The following HMG20A variants were observed in gnomAD, a reference collection of about 807,000 sequenced individuals.
HMG20A encodes high mobility group 20A, also known as high mobility group protein 20A.
In HMG20A, 17 loss-of-function variants were observed where a neutral mutation model predicts 43.9. That is an observed-to-expected ratio of 0.39 (90% CI 0.27 to 0.58). The LOEUF is 0.58. HMG20A is among the 20% of genes least tolerant of loss of function. The pLI, the probability that HMG20A is intolerant of heterozygous loss-of-function variation, is 0.59. For missense variants in HMG20A, 341 were observed against 438.2 expected, an observed-to-expected ratio of 0.78 and a Z score of 1.98; for synonymous variants, 132 against 147.5, an observed-to-expected ratio of 0.89 and a Z score of 0.76.
At chr15:77,441,380 A>G (rs536497304) in intron 1 of HMG20A, among the ~76,000 whole-genome samples, 1 of 152,284 alleles carries the variant, frequency 6.6e-6, no homozygotes, top group South Asian at 2.1e-4. Context: ...GTGATTTTAT[A>G]TTGAATTTTT....
At chr15:77,509,678 G>A in the HMG20A span, among the ~76,000 whole-genome samples, 1 of 150,954 alleles carries the variant, frequency 6.6e-6, no homozygotes, top group African/African-American at 2.4e-5. Flanking sequence ...GGCCGAAGTG[G>A]GCAGATCACC....
rs1349913970 is a variant in HMG20A, at chr15:77,420,947, C to T, written c.-62C>T. On this transcript the variant is annotated 5_prime_UTR_variant, in exon 1 of 10. Transcript: ENST00000336216. Reference sequence around the variant, plus strand: ...ATTGAGAGGGGCTGAGGGAATTGTCCTCTGTGGAAGGGACTTTCTTTTGGC... The same window carrying T: ...ATTGAGAGGGGCTGAGGGAATTGTCTTCTGTGGAAGGGACTTTCTTTTGGC... The T allele has an allele frequency of 1.5e-5, 6 of 398,574 alleles. No individual in the cohort carries two copies. The highest frequency in any genetic ancestry group is 2.7e-5 in the Non-Finnish European group (6 of 226,104). The allele number at this position is 398,574 out of a possible 1,614,324, so 24.7% of individuals were successfully genotyped here. A position where few individuals can be genotyped will look rare whatever the true frequency, so the allele number is the denominator to read the frequency against.
Position 77,477,548 on chromosome 15 carries a change from T to A in HMG20A, c.616-7T>A. 1 of 1,597,596 alleles carries A rather than the reference T, an allele frequency of 6.3e-7. No homozygotes were observed. Among genetic ancestry groups the A allele is most frequent in the Non-Finnish European group, 8.6e-7 (1 of 1,166,164 alleles). The stretch of plus-strand genomic sequence containing the variant: ...GAATTAACTGTTTTGTTCCTCTTGA[T>A]TCACAGAAAGAAACAGAGGTAAAGG... On this transcript the variant is annotated splice_polypyrimidine_tract_variant and splice_region_variant and intron_variant, in intron 6 of 9. Coordinates refer to ENST00000336216, the MANE Select transcript of HMG20A (RefSeq NM_001304504.2).
chr15:77,454,048 G>C (rs2072631886), intron 1 of HMG20A, among the ~76,000 whole-genome samples: 1 of 151,472 alleles, frequency 6.6e-6, no homozygotes, highest in Non-Finnish European at 1.5e-5. Flanking sequence ...CGTGGTCCTA[G>C]CTACTCAGGA....
At chr15:77,493,768 G>C in the HMG20A span, among the ~76,000 whole-genome samples, 139 of 152,308 alleles carry the variant, frequency 9.1e-4, no homozygotes, top group African/African-American at 3.2e-3. Flanking sequence ...AGCACCTACA[G>C]TGATCTTGTG....
chr15:77,482,083 A>G (rs1312832376), intron 9 of HMG20A: 1 of 152,208 alleles, frequency 6.6e-6, no homozygotes, highest in Non-Finnish European at 1.5e-5. Context: ...ATCTGCGTAG[A>G]TGAGTACAGA....
At chr15:77,445,015 T>C (rs1470622745) in intron 1 of HMG20A, among the ~76,000 whole-genome samples, 1 of 151,358 alleles carries the variant, frequency 6.6e-6, no homozygotes, top group African/African-American at 2.4e-5. Context: ...GAAATCTTCC[T>C]AGGAAGAAAA....
intron 1 of HMG20A, among the ~76,000 whole-genome samples, chr15:77,430,240 A>G (rs2073470106): frequency 6.6e-6 from 1 of 152,224 alleles, no homozygotes; most frequent in Admixed American, 6.5e-5. Context: ...TTTTACATGA[A>G]AGAAAATTGA....
the HMG20A span, among the ~76,000 whole-genome samples, chr15:77,497,393 C>CCCTT: frequency 6.6e-6 from 1 of 152,248 alleles, no homozygotes; most frequent in Admixed American, 6.5e-5. Flanking sequence ...TCGGGCCATA[C>CCCTT]CCTTGCCTGA....
At chr15:77,440,798 C>T (rs1168786557) in intron 1 of HMG20A, among the ~76,000 whole-genome samples, 1 of 152,100 alleles carries the variant, frequency 6.6e-6, no homozygotes, top group African/African-American at 2.4e-5. Flanking sequence ...GAAGTTTCCT[C>T]TTATGTTTCT....
At chr15:77,491,907 C>A in the HMG20A span, among the ~76,000 whole-genome samples, 1 of 152,158 alleles carries the variant, frequency 6.6e-6, no homozygotes, top group Non-Finnish European at 1.5e-5. Context: ...TGTAAATGGG[C>A]CTTGAATGTC....
rs2072924997 is a variant in HMG20A, at chr15:77,483,799, T to C, written c.*836T>C. ...ACAATGTCTTGTGGAGCATTTTTGC[T>C]GAGGAAAAGGTCACTTGTAAACAGA... is the stretch of plus-strand genomic sequence containing the variant. On this transcript the variant is annotated 3_prime_UTR_variant, in exon 10 of 10. Coordinates refer to ENST00000336216, the MANE Select transcript of HMG20A (RefSeq NM_001304504.2). 2 of 152,676 alleles carry C rather than the reference T, an allele frequency of 1.3e-5. No homozygotes were observed. Among genetic ancestry groups the C allele is most frequent in the Admixed American group, 6.5e-5 (1 of 15,286 alleles). The allele number at this position is 152,676 out of a possible 1,614,324, so 9.5% of individuals were successfully genotyped here.
the HMG20A span, among the ~76,000 whole-genome samples, chr15:77,496,138 G>C: frequency 6.6e-6 from 1 of 152,142 alleles, no homozygotes; most frequent in African/African-American, 2.4e-5. Flanking sequence ...GAGGAGGGGC[G>C]GCCTCCCTAC....
intron 8 of HMG20A, among the ~76,000 whole-genome samples, chr15:77,478,861 G>A (rs1595933118): frequency 6.6e-6 from 1 of 152,222 alleles, no homozygotes; most frequent in East Asian, 1.9e-4. Context: ...TTGTTTTAAC[G>A]GGAAGGAAGG....
intron 9 of HMG20A, among the ~76,000 whole-genome samples, chr15:77,480,391 G>A (rs2072895501): frequency 6.6e-6 from 1 of 151,858 alleles, no homozygotes; most frequent in Non-Finnish European, 1.5e-5. Context: ...AGGCAGTATT[G>A]CCTGAGCCCA....
At chr15:77,442,593 A>C (rs1037343379) in intron 1 of HMG20A, among the ~76,000 whole-genome samples, 3 of 152,238 alleles carry the variant, frequency 2.0e-5, no homozygotes, top group African/African-American at 7.2e-5. Context: ...CCTGCTAGAC[A>C]TGCGTACTCT....
intron 2 of HMG20A, among the ~76,000 whole-genome samples, chr15:77,463,389 G>A (rs1421216697): frequency 6.6e-6 from 1 of 152,054 alleles, no homozygotes; most frequent in African/African-American, 2.4e-5. Flanking sequence ...AATACTATGG[G>A]TTGTGCATTC....
At chr15:77,441,558 A>C (rs1235784684) in intron 1 of HMG20A, among the ~76,000 whole-genome samples, 1 of 152,128 alleles carries the variant, frequency 6.6e-6, no homozygotes, top group Non-Finnish European at 1.5e-5. Context: ...TGATCCCAGA[A>C]ACCAGTTAGT....
chr15:77,490,580 T>C (rs117134811), downstream of HMG20A, among the ~76,000 whole-genome samples: 59 of 152,296 alleles, frequency 3.9e-4, 1 homozygote, highest in East Asian at 0.011. Flanking sequence ...CCCAGTACTT[T>C]GGGAGGCCAA....
Sources: allele counts gnomAD v4.1 joint callset (sites outside exome capture counted in the v4.1 genomes callset), GRCh38; gene constraint gnomAD v4.1.1; transcripts MANE v1.5; gene names NCBI Gene and HGNC (gene_info 2026-07-23, HGNC 2026-07-21).